Variants in SGTB observed in about 807,000 individuals in gnomAD.
SGTB encodes small glutamine-rich tetratricopeptide repeat-containing protein beta.
Under a neutral mutation model 43.9 loss-of-function variants are expected in SGTB, and 19 were observed. The ratio of observed to expected loss-of-function variants is 0.43; its 90% CI spans 0.30 to 0.63. The LOEUF is 0.63. SGTB is among the 30% of genes least tolerant of loss of function. SGTB has a pLI of 0.12. For synonymous variants in SGTB, 116 were observed against 117.3 expected, an observed-to-expected ratio of 0.99 and a Z score of 0.07; for missense variants, 304 against 358.9, an observed-to-expected ratio of 0.85 and a Z score of 1.24.
chr5:65,694,361 G>A (rs898754403), intron 5 of SGTB, among the ~76,000 whole-genome samples: 2 of 152,134 alleles, frequency 1.3e-5, no homozygotes, highest in African/African-American at 4.8e-5. Flanking sequence ...GAACCTGGGA[G>A]GCAGAGGGTG....
intron 10 of SGTB, 73 bp from the exon 11 acceptor site, chr5:65,670,430 A>G: frequency 3.2e-6 from 4 of 1,265,256 alleles, no homozygotes; most frequent in South Asian, 1.2e-5. Flanking sequence ...AGAAATGCAG[A>G]AAATGTAGGA....
intron 3 of SGTB, among the ~76,000 whole-genome samples, chr5:65,709,449 G>A (rs1189932955): frequency 1.3e-5 from 2 of 151,378 alleles, no homozygotes; most frequent in Non-Finnish European, 2.9e-5. Context: ...CATGATCTCG[G>A]CTCACTGCAA....
intron 2 of SGTB, among the ~76,000 whole-genome samples, chr5:65,714,703 T>G (rs1456275700): frequency 1.3e-5 from 2 of 152,108 alleles, no homozygotes; most frequent in Non-Finnish European, 2.9e-5. Context: ...TAATCCCAGC[T>G]ACTCGGGAGG....
intron 5 of SGTB, among the ~76,000 whole-genome samples, chr5:65,691,834 C>A (rs549721323): frequency 8.6e-5 from 13 of 150,342 alleles, no homozygotes; most frequent in African/African-American, 2.2e-4. Flanking sequence ...GGGAGGCCGA[C>A]GCAGGAGAAT....
At chr5:65,687,341 A>G (rs1284673489) in intron 5 of SGTB, among the ~76,000 whole-genome samples, 1 of 152,244 alleles carries the variant, frequency 6.6e-6, no homozygotes, top group Non-Finnish European at 1.5e-5. Context: ...CCAGACAAGT[A>G]CAGATCTTCC....
Position 65,666,278 on chromosome 5 carries a change from AACTT to A in SGTB, c.*3964_*3967del, listed in dbSNP as rs1433844589. 6.6e-6 allele frequency: 1 copy of A among 152,204 alleles called. No individual in the cohort carries two copies. The highest frequency in any genetic ancestry group is 1.5e-5 in the Non-Finnish European group (1 of 68,002). The allele number at this position is 152,204 out of a possible 1,614,324, so 9.4% of individuals were successfully genotyped here. A position where few individuals can be genotyped will look rare whatever the true frequency, so the allele number is the denominator to read the frequency against. On this transcript the variant is annotated 3_prime_UTR_variant, in exon 11 of 11. Coordinates refer to ENST00000381007, the MANE Select transcript of SGTB (RefSeq NM_019072.3). ...ATAGTCTCTTCTGTTTATAAACAATAACTTACACATATTTTTCATAGTTTTAAGT... is the reference window on the plus strand; with the variant it reads ...ATAGTCTCTTCTGTTTATAAACAATAACACATATTTTTCATAGTTTTAAGT...
intron 5 of SGTB, among the ~76,000 whole-genome samples, chr5:65,701,365 T>G (rs1757814042): frequency 6.6e-6 from 1 of 151,968 alleles, no homozygotes; most frequent in Non-Finnish European, 1.5e-5. Flanking sequence ...AAAACAGACT[T>G]GAGATGATAA....
At chr5:65,678,402 G>C (rs1030616203) in intron 8 of SGTB, among the ~76,000 whole-genome samples, 1 of 152,152 alleles carries the variant, frequency 6.6e-6, no homozygotes, top group Non-Finnish European at 1.5e-5. Flanking sequence ...AATCAAAATC[G>C]TGAAAATGGC....
At chr5:65,670,624 G>A (rs996937917) in intron 10 of SGTB, among the ~76,000 whole-genome samples, 2 of 152,168 alleles carry the variant, frequency 1.3e-5, no homozygotes, top group Admixed American at 6.5e-5. Context: ...TAGTGCTAAT[G>A]ACAAAGAAGC....
chr5:65,690,620 C>T (rs1283410634), intron 5 of SGTB, among the ~76,000 whole-genome samples: 2 of 152,138 alleles, frequency 1.3e-5, no homozygotes, highest in Non-Finnish European at 2.9e-5. Context: ...TGTAGAAACA[C>T]TAATATTAAA....
chr5:65,679,350 T>C (rs538720103), intron 8 of SGTB, among the ~76,000 whole-genome samples: 2 of 152,230 alleles, frequency 1.3e-5, no homozygotes, highest in African/African-American at 2.4e-5. Flanking sequence ...AGGCCAGGTG[T>C]GGTGGCTCAT....
intron 8 of SGTB, among the ~76,000 whole-genome samples, chr5:65,675,932 AG>A (rs1268724545): frequency 2.6e-5 from 4 of 152,210 alleles, no homozygotes; most frequent in Non-Finnish European, 1.5e-5. Context: ...CAACCACATA[AG>A]TTTGCAAAAT....
At chr5:65,680,370 G>T in intron 8 of SGTB, 124 bp downstream of exon 8, 1 of 905,430 alleles carries the variant, frequency 1.1e-6, no homozygotes, top group Non-Finnish European at 1.7e-6. Context: ...CCCTGCTATA[G>T]CCTTATATCA....
chr5:65,672,061 G>A, intron 9 of SGTB, 63 bp from the exon 10 acceptor site: 4 of 1,596,178 alleles, frequency 2.5e-6, no homozygotes, highest in Non-Finnish European at 3.4e-6. Flanking sequence ...AGGACAACTG[G>A]ACGAGGAAAA....
intron 8 of SGTB, among the ~76,000 whole-genome samples, chr5:65,673,183 T>A (rs760785692): frequency 2.8e-4 from 43 of 152,208 alleles, no homozygotes; most frequent in Non-Finnish European, 3.7e-4. Flanking sequence ...TTAAGTTCTA[T>A]AAAATGACCT....
intron 5 of SGTB, among the ~76,000 whole-genome samples, chr5:65,686,609 T>A (rs1387107315): frequency 6.6e-6 from 1 of 151,744 alleles, no homozygotes; most frequent in Non-Finnish European, 1.5e-5. Context: ...TCCTCCCGCC[T>A]CTGCCTCCCT....
intron 6 of SGTB, among the ~76,000 whole-genome samples, chr5:65,684,558 C>T (rs1757460436): frequency 6.6e-6 from 1 of 151,652 alleles, no homozygotes; most frequent in Non-Finnish European, 1.5e-5. Context: ...GGTAAGAATG[C>T]TTCTTTTTTT....
chr5:65,718,126 G>A (rs1758186175), intron 2 of SGTB, among the ~76,000 whole-genome samples: 1 of 152,078 alleles, frequency 6.6e-6, no homozygotes, highest in Non-Finnish European at 1.5e-5. Context: ...ATAGAGATTA[G>A]GGAAGGAATG....
chr5:65,685,367 C>T lies in SGTB; in HGVS notation c.479+1G>A. On this transcript the variant is annotated splice_donor_variant, in intron 6 of 10. Transcript: ENST00000381007. LOFTEE classifies it high-confidence loss of function. ...ACTTGGAACATCCTCCCAGAACTTACCCCATTCTCCCATAGGCCTTGCTGT... is the reference window on the plus strand; with the variant it reads ...ACTTGGAACATCCTCCCAGAACTTATCCCATTCTCCCATAGGCCTTGCTGT... 1 of 1,613,738 alleles carries T rather than the reference C, an allele frequency of 6.2e-7. No homozygotes were observed. Among genetic ancestry groups the T allele is most frequent in the Non-Finnish European group, 8.5e-7 (1 of 1,179,662 alleles).
Sources: allele counts gnomAD v4.1 joint callset (sites outside exome capture counted in the v4.1 genomes callset), GRCh38; gene constraint gnomAD v4.1.1; transcripts MANE v1.5; gene names NCBI Gene and HGNC (gene_info 2026-07-23, HGNC 2026-07-21).